Variants in PRDM11 observed in about 807,000 individuals in gnomAD.
The protein encoded by PRDM11 is PR/SET domain 11, also known as PR domain-containing protein 11.
In PRDM11, 20 loss-of-function variants were observed where a neutral mutation model predicts 97.8. That is an observed-to-expected ratio of 0.20 (90% CI 0.14 to 0.30). The LOEUF (loss-of-function observed/expected upper bound fraction) is 0.30. Among genes scored for constraint, PRDM11 ranks in the 10% least tolerant of loss-of-function variants. The pLI is 1.00. For synonymous variants in PRDM11, 599 were observed against 637.7 expected, an observed-to-expected ratio of 0.94 and a Z score of 0.91; for missense variants, 1,139 against 1,555.2, an observed-to-expected ratio of 0.73 and a Z score of 4.50.
intron 7 of PRDM11, among the ~76,000 whole-genome samples, chr11:45,225,767 T>C (rs531429083): frequency 1.3e-5 from 2 of 152,118 alleles, no homozygotes. Flanking sequence ...TGAAATCTGG[T>C]GGGTGTGACA....
At chr11:45,150,076 C>G (rs983027169) in intron 1 of PRDM11, among the ~76,000 whole-genome samples, 30 of 152,170 alleles carry the variant, frequency 2.0e-4, no homozygotes, top group African/African-American at 6.3e-4. Flanking sequence ...CAGCTGCCCT[C>G]CAGACTCTGC....
rs1252596666 is a variant in PRDM11, at chr11:45,165,069, A to C, written c.-6-16692A>C. 2.0e-5 allele frequency among the ~76,000 whole-genome samples: 3 copies of C among 152,218 alleles called. No individual in the cohort carries two copies. The East Asian group carries it at 5.8e-4, about 29-fold the overall frequency. ...AGGGGGCGGGGGTAACGAAAGGCAC[A>C]GAAGGTGAAATAACTTCTCCAGATC... On this transcript the variant is annotated intron_variant, in intron 1 of 7. Coordinates refer to ENST00000683152, the MANE Select transcript of PRDM11 (RefSeq NM_001384648.1).
Position 45,130,565 on chromosome 11 carries a change from G to C in PRDM11, c.96+34664G>C, listed in dbSNP as rs961365925. Among the ~76,000 whole-genome samples, 3 of 152,060 alleles carry C rather than the reference G, an allele frequency of 2.0e-5. No individual in the cohort carries two copies. In the South Asian group the frequency reaches 6.2e-4, roughly 31 times the overall value. ...AAAAAGATTGTGAATATTAAGTGTT[G>C]GCAAGAACGTGGCACACCTGGAACT... On this transcript the variant is annotated intron_variant, in intron 1 of 6. Transcript: ENST00000530656.
chr11:45,101,567 A>AAAGAAGAAGAAGAAG lies in PRDM11; in HGVS notation c.96+5685_96+5699dup, dbSNP rs1554963213. 1.0e-4 allele frequency among the ~76,000 whole-genome samples: 10 copies of AAAGAAGAAGAAGAAG among 96,822 alleles called. 1 individual carries two copies. Among genetic ancestry groups the AAAGAAGAAGAAGAAG allele is most frequent in the South Asian group, 2.8e-4 (1 of 3,570 alleles). The allele number at this position is 96,822 out of a possible 152,430, so 63.5% of individuals were successfully genotyped here. A position where few individuals can be genotyped will look rare whatever the true frequency, so the allele number is the denominator to read the frequency against. ...CAACACTCTGTCTCAAAAAAAAAAAAAAGAAGAAGAAGAAGAAGAAGAAGA... is the reference window on the plus strand; with the variant it reads ...CAACACTCTGTCTCAAAAAAAAAAAAAAGAAGAAGAAGAAGAAGAAGAAGAAGAAGAAGAAGAAGA... On this transcript the variant is annotated intron_variant, in intron 1 of 6. Coordinates refer to the PRDM11 transcript ENST00000530656.
intron 1 of PRDM11, among the ~76,000 whole-genome samples, chr11:45,152,708 C>T (rs1238999075): frequency 6.6e-6 from 1 of 152,180 alleles, no homozygotes; most frequent in African/African-American, 2.4e-5. Context: ...ATTGTTATTT[C>T]CCCATTCTAC....
intron 1 of PRDM11, among the ~76,000 whole-genome samples, chr11:45,175,554 A>G (rs1173140738): frequency 6.6e-6 from 1 of 152,240 alleles, no homozygotes; most frequent in African/African-American, 2.4e-5. Flanking sequence ...TAGCATAGCA[A>G]TTTCCCCCAT....
rs1399981296 is a variant in PRDM11, at chr11:45,224,623, G to C, written c.1149G>C (p.Glu383Asp). ...KEPGQLEDEE[E>D]EPSSFKADSP... ...CAGGCCAATTGGAGGATGAAGAAGAGGAGCCTTCATCATTCAAGGCCGACA... is the reference window on the plus strand; with the variant it reads ...CAGGCCAATTGGAGGATGAAGAAGACGAGCCTTCATCATTCAAGGCCGACA... Residue 383 changes from glutamate to aspartate, a missense_variant, in exon 7 of 8, where the codon GAG (glutamate) becomes GAC (aspartate). Physicochemically the swap from Glu to Asp is conservative, Grantham distance 45. Around this residue, in one of 2 missense-constraint regions of PRDM11, gnomAD observed 429 missense variants for 510.3 expected, o/e 0.84. Transcript: ENST00000683152. The C allele has an allele frequency of 3.7e-6, 6 of 1,614,064 alleles. No individual in the cohort carries two copies. The highest frequency in any genetic ancestry group is 5.1e-6 in the Non-Finnish European group (6 of 1,180,040).
At chr11:45,193,185 T>C (rs1382007321) in intron 4 of PRDM11, among the ~76,000 whole-genome samples, 1 of 152,242 alleles carries the variant, frequency 6.6e-6, no homozygotes, top group Non-Finnish European at 1.5e-5. Flanking sequence ...TAAGCCATCC[T>C]CCTGCCTCAG....
intron 4 of PRDM11, among the ~76,000 whole-genome samples, chr11:45,189,669 A>AT (rs1852838561): frequency 6.6e-6 from 1 of 152,196 alleles, no homozygotes; most frequent in Non-Finnish European, 1.5e-5. Flanking sequence ...AGTGTTTCCC[A>AT]TTTCAGCTTT....
Position 45,168,123 on chromosome 11 carries a change from A to G in PRDM11, c.-6-13638A>G, listed in dbSNP as rs1048689292. ...CTTTAATTCTGAGATTCTGGGCAAG[A>G]TTGGGCAAATACACAGCCAGTGAGA... On this transcript the variant is annotated intron_variant, in intron 1 of 7. Transcript: ENST00000683152. 2.0e-5 allele frequency among the ~76,000 whole-genome samples: 3 copies of G among 152,126 alleles called. No homozygotes were observed. In the East Asian group the frequency reaches 5.8e-4, roughly 29 times the overall value.
Position 45,226,958 on chromosome 11 carries a change from T to C in PRDM11, c.2333T>C (p.Leu778Pro). The change falls in exon 8 of 8, where the codon CTC becomes CCC. Residue 778 changes from leucine (L) to proline (P), a missense_variant. By Grantham distance (98) the Leu-to-Pro change is moderately conservative. Around this residue, in one of 2 missense-constraint regions of PRDM11, gnomAD observed 710 missense variants for 1,044.9 expected, o/e 0.68. Coordinates refer to ENST00000683152, the MANE Select transcript of PRDM11 (RefSeq NM_001384648.1). ...CTGGATGCCATCAGCGGGAAGGAGC[T>C]CCCATGCCTGGAGGAGCTGGAGAAC... The part of the protein sequence containing the change: ...EILDAISGKE[L>P]PCLEELENNL... The C allele has an allele frequency of 6.5e-7, 1 of 1,533,792 alleles. No individual in the cohort carries two copies. The highest frequency in any genetic ancestry group is 8.7e-7 in the Non-Finnish European group (1 of 1,146,700).
upstream of PRDM11, among the ~76,000 whole-genome samples, chr11:45,094,885 GGGAA>G (rs1368136848): frequency 6.9e-6 from 1 of 145,000 alleles, no homozygotes; most frequent in Non-Finnish European, 1.5e-5. Flanking sequence ...GAAGAGAGGA[GGGAA>G]GGAAGGAAGG....
At chr11:45,200,412 C>G (rs11038350) in intron 4 of PRDM11, among the ~76,000 whole-genome samples, 32,164 of 152,200 alleles carry the variant, frequency 0.21, 4,005 homozygotes, top group South Asian at 0.3. Flanking sequence ...AGTGACTGTT[C>G]ACTGAGTGTC....
At chr11:45,135,779 TC>T (rs1852828058) in intron 1 of PRDM11, among the ~76,000 whole-genome samples, 1 of 152,188 alleles carries the variant, frequency 6.6e-6, no homozygotes, top group South Asian at 2.1e-4. Flanking sequence ...CCCATCAAAA[TC>T]CCAATGGCTT....
intron 1 of PRDM11, among the ~76,000 whole-genome samples, chr11:45,160,776 GTC>G (rs1176333726): frequency 6.6e-6 from 1 of 152,198 alleles, no homozygotes; most frequent in Non-Finnish European, 1.5e-5. Flanking sequence ...TTTAAAATCT[GTC>G]TGTTGAGACT....
chr11:45,139,165 T>A lies in PRDM11; in HGVS notation c.97-42596T>A, dbSNP rs916685746. Among the ~76,000 whole-genome samples the A allele has an allele frequency of 2.0e-5, 3 of 152,336 alleles. No individual in the cohort carries two copies. In the South Asian group the frequency reaches 6.2e-4, roughly 32 times the overall value. Reference sequence around the variant, plus strand: ...AACCACTGAAGATTAAGCAGATTGATGGTGTTCAGCATAAGGGTGTCGGGG... The same window carrying A: ...AACCACTGAAGATTAAGCAGATTGAAGGTGTTCAGCATAAGGGTGTCGGGG... On this transcript the variant is annotated intron_variant, in intron 1 of 6. Coordinates refer to the PRDM11 transcript ENST00000530656.
In PRDM11 at chr11:45,208,373, G is replaced by A. The variant is rs974200855; in HGVS notation, c.554+3595G>A. ...CAGTGTAAATAGTTTCCCTGGTTACGTATTCTTCCGAGCCATTCATTCAGC... is the reference window on the plus strand; with the variant it reads ...CAGTGTAAATAGTTTCCCTGGTTACATATTCTTCCGAGCCATTCATTCAGC... On this transcript the variant is annotated intron_variant, in intron 5 of 7. Coordinates refer to ENST00000683152, the MANE Select transcript of PRDM11 (RefSeq NM_001384648.1). 4.6e-5 allele frequency among the ~76,000 whole-genome samples: 7 copies of A among 152,082 alleles called. No individual in the cohort carries two copies. The East Asian group carries it at 7.7e-4, about 17-fold the overall frequency.
rs1266108361 is a variant in PRDM11, at chr11:45,227,452, G to A, written c.2827G>A (p.Gly943Arg). 2 of 1,533,836 alleles carry A rather than the reference G, an allele frequency of 1.3e-6. No individual in the cohort carries two copies. Among genetic ancestry groups the A allele is most frequent in the South Asian group, 1.2e-5 (1 of 83,958 alleles). ...FEENFRESFN[G>R]IAMKNLRVAE... ...GGAGAATTTCCGAGAGAGCTTCAAC[G>A]GGATCGCCATGAAGAACCTCAGGGT... Residue 943 changes from glycine (G) to arginine (R), a missense_variant, in exon 8 of 8, where the codon GGG becomes AGG. Gly to Arg is a moderately radical substitution (Grantham distance 125). Coordinates refer to ENST00000683152, the MANE Select transcript of PRDM11 (RefSeq NM_001384648.1). The surrounding 1 kb of genome is among the most constrained non-coding windows in gnomAD (Gnocchi z 8.0).
intron 4 of PRDM11, among the ~76,000 whole-genome samples, chr11:45,195,477 T>C (rs1206985895): frequency 6.6e-6 from 1 of 152,224 alleles, no homozygotes; most frequent in Non-Finnish European, 1.5e-5. Context: ...TTATGTAGTA[T>C]GTGGTCTTTG....
Sources: gnomAD v4.1 joint callset for allele counts (sites outside exome capture counted in the v4.1 genomes callset) on GRCh38, gnomAD v4.1.1 for gene constraint, gnomAD v4.1.1 regional missense constraint, Gnocchi (gnomAD v3.1) non-coding constraint, MANE v1.5 for transcripts, NCBI Gene and HGNC (gene_info 2026-07-23, HGNC 2026-07-21) for gene names.